The following MYLK variants were observed in gnomAD, a reference collection of about 807,000 sequenced individuals.
The protein encoded by MYLK is myosin light chain kinase.
MYLK carries 106 observed loss-of-function variants against 203.4 expected under a neutral mutation model. That is an observed-to-expected ratio of 0.52 (90% confidence interval 0.45 to 0.61). The LOEUF (loss-of-function observed/expected upper bound fraction) is 0.61. Ranked by LOEUF, MYLK falls within the 20% of genes least tolerant of loss-of-function variation. The probability of loss-of-function intolerance (pLI) is 0.00; values close to 1 mark genes in which losing one functional copy is unlikely to be tolerated. For synonymous variants in MYLK, 867 were observed against 959.5 expected (o/e 0.90, Z 1.78); for missense variants, 2,072 against 2,442.3 (o/e 0.85, Z 3.20).
chr3:123,658,386 A>G (rs2059457787), intron 23 of MYLK, among the ~76,000 whole-genome samples: 1 of 152,194 alleles, frequency 6.6e-6, no homozygotes, highest in Non-Finnish European at 1.5e-5. Flanking sequence ...GGTAGCCAAT[A>G]CTTTAATGAG....
chr3:123,636,538 G>A (rs1013536317), intron 29 of MYLK, among the ~76,000 whole-genome samples: 3 of 152,266 alleles, frequency 2.0e-5, no homozygotes, highest in African/African-American at 7.2e-5. Flanking sequence ...AGTGAGAGCT[G>A]ACCAAGGACT....
chr3:123,878,807 C>T (rs1216456380), intron 1 of MYLK, among the ~76,000 whole-genome samples: 1 of 152,186 alleles, frequency 6.6e-6, no homozygotes, highest in Non-Finnish European at 1.5e-5. Flanking sequence ...TTGCCCCAGC[C>T]TCCCGAGTAG....
chr3:123,653,987 TG>T (rs1553783581), intron 24 of MYLK, among the ~76,000 whole-genome samples: 18 of 6,440 alleles, frequency 2.8e-3, no homozygotes, highest in African/African-American at 4.2e-3. Context: ...AGAGGGATGT[TG>T]TGTGTGTGTG....
chr3:123,685,585 C>T (rs550500353), intron 19 of MYLK, among the ~76,000 whole-genome samples: 32 of 125,038 alleles, frequency 2.6e-4, no homozygotes, highest in African/African-American at 9.2e-4. Context: ...GCATGGATGA[C>T]AGAGTGAGAC....
chr3:123,630,226 A>G (rs2058354176), intron 29 of MYLK, among the ~76,000 whole-genome samples: 1 of 152,232 alleles, frequency 6.6e-6, no homozygotes. Flanking sequence ...ATGAGGTGCC[A>G]TGGCAGAGGA....
chr3:123,641,715 G>T (rs879790421), intron 27 of MYLK, among the ~76,000 whole-genome samples: 2,620 of 147,192 alleles, frequency 0.018, 72 homozygotes, highest in African/African-American at 0.061. Flanking sequence ...CCTTCCTTCC[G>T]TCCTTCCTTC....
At chr3:123,759,563 C>T (rs1295818149) in intron 4 of MYLK, among the ~76,000 whole-genome samples, 1 of 152,214 alleles carries the variant, frequency 6.6e-6, no homozygotes. Flanking sequence ...GGAAGTGCCT[C>T]CTCCCTTTCC....
chr3:123,821,853 G>A (rs1224522937), intron 3 of MYLK, among the ~76,000 whole-genome samples: 1 of 152,140 alleles, frequency 6.6e-6, no homozygotes, highest in Non-Finnish European at 1.5e-5. Flanking sequence ...CCCTGTAGGG[G>A]GTTGCTGTGG....
intron 4 of MYLK, among the ~76,000 whole-genome samples, chr3:123,781,586 A>G (rs1348468707): frequency 6.6e-6 from 1 of 152,244 alleles, no homozygotes; most frequent in East Asian, 1.9e-4. Context: ...GCATACTATT[A>G]AAAATCAGAT....
chr3:123,871,515 A>C (rs1214466142), intron 2 of MYLK, among the ~76,000 whole-genome samples: 6 of 152,222 alleles, frequency 3.9e-5, no homozygotes, highest in Admixed American at 6.5e-5. Context: ...TAAAGAAATT[A>C]AAAGGATAAT....
chr3:123,745,343 G>A (rs1180612156), intron 5 of MYLK, among the ~76,000 whole-genome samples: 1 of 152,136 alleles, frequency 6.6e-6, no homozygotes, highest in African/African-American at 2.4e-5. Context: ...GGGTGGTACT[G>A]TCTCTGTTTA....
At chr3:123,772,751 CAT>C (rs1480717661) in intron 4 of MYLK, among the ~76,000 whole-genome samples, 1 of 151,900 alleles carries the variant, frequency 6.6e-6, no homozygotes, top group African/African-American at 2.4e-5. Flanking sequence ...AGTAGCCAAA[CAT>C]ATAAAAATGT....
chr3:123,652,690 A>G (rs185756615), intron 24 of MYLK, among the ~76,000 whole-genome samples: 3 of 152,332 alleles, frequency 2.0e-5, no homozygotes, highest in East Asian at 3.9e-4. Context: ...TTTGCTAACA[A>G]TTATACAGAC....
Position 123,740,008 on chromosome 3 carries a change from G to C in MYLK, c.374-7C>G. 1 of 1,613,804 alleles carries C rather than the reference G, an allele frequency of 6.2e-7. No individual in the cohort carries two copies. ...AGCTGCTTCGCAAAACTTCCTGCAAGAAAAAGAGTTGATGAGTCAGGTCTG... is the reference window on the plus strand; with the variant it reads ...AGCTGCTTCGCAAAACTTCCTGCAACAAAAAGAGTTGATGAGTCAGGTCTG... On this transcript the variant is annotated splice_region_variant and splice_polypyrimidine_tract_variant and intron_variant, in intron 5 of 33. Transcript: ENST00000360304.
Position 123,629,673 on chromosome 3 carries a change from G to A in MYLK, c.4962-47C>T, listed in dbSNP as rs374944537. On this transcript the variant is annotated intron_variant, in intron 29 of 33. Transcript: ENST00000360304. The surrounding 1 kb of genome is among the most constrained non-coding windows in gnomAD (Gnocchi z 4.4). The stretch of plus-strand genomic sequence containing the variant: ...AGCAGGTGTGGCTAGGAGAGGGCGC[G>A]ACGACCAGGTGAGTGGTAACTGAGG... The A allele has an allele frequency of 1.3e-5, 21 of 1,608,984 alleles. No individual in the cohort carries two copies. Among genetic ancestry groups the A allele is most frequent in the South Asian group, 2.2e-5 (2 of 90,872 alleles).
chr3:123,838,333 A>G (rs1309078637), intron 2 of MYLK, among the ~76,000 whole-genome samples: 3 of 152,176 alleles, frequency 2.0e-5, no homozygotes, highest in Admixed American at 6.5e-5. Context: ...AAAGAAAAAT[A>G]CAGACTTTGG....
intron 1 of MYLK, among the ~76,000 whole-genome samples, chr3:123,878,588 C>T (rs2033304367): frequency 1.3e-5 from 2 of 152,222 alleles, no homozygotes; most frequent in Admixed American, 6.5e-5. Context: ...CAATGTGTAT[C>T]CATTCTTCCT....
At position 123,837,708 on chromosome 3, in the gene MYLK, T is replaced by C. The variant is rs893807334; in HGVS notation, c.-126-6038A>G. Among the ~76,000 whole-genome samples, 2 of 151,804 alleles carry C rather than the reference T, an allele frequency of 1.3e-5. 1 individual carries two copies. The highest frequency in any genetic ancestry group is 4.1e-4 in the South Asian group (2 of 4,820). ...CATACCTATTCACAGTCACTCCCCATATCCTACCCTAAGGTTTCCCAACCC... is the reference window on the plus strand; with the variant it reads ...CATACCTATTCACAGTCACTCCCCACATCCTACCCTAAGGTTTCCCAACCC... On this transcript the variant is annotated intron_variant, in intron 2 of 33. Transcript: ENST00000360304.
intron 17 of MYLK, 139 bp from the exon 18 acceptor site, chr3:123,701,144 T>C: frequency 1.6e-6 from 2 of 1,218,112 alleles, no homozygotes. Flanking sequence ...GGCCAGGCTG[T>C]GTTTATAGAT....
Sources: gnomAD v4.1 joint callset for allele counts (sites outside exome capture counted in the v4.1 genomes callset) on GRCh38, gnomAD v4.1.1 for gene constraint, Gnocchi (gnomAD v3.1) non-coding constraint, MANE v1.5 for transcripts, NCBI Gene and HGNC (gene_info 2026-07-23, HGNC 2026-07-21) for gene names.